NTF3: variants seen among roughly 807,000 people sequenced by gnomAD.
NTF3 encodes the protein neurotrophin-3.
Under a neutral mutation model 26.3 loss-of-function variants are expected in NTF3, and 8 were observed. The observed-to-expected ratio is 0.30, with a 90% CI of 0.18 to 0.55. The LOEUF (loss-of-function observed/expected upper bound fraction) is 0.55. Ranked by LOEUF, NTF3 falls within the 20% of genes least tolerant of loss-of-function variation. The pLI is 0.93. For synonymous variants in NTF3, 154 were observed against 145.5 expected (o/e 1.06, Z -0.42); for missense variants, 276 against 352.9 (o/e 0.78, Z 1.75).
chr12:5,459,025 G>T (rs1226108295), intron 1 of NTF3, among the ~76,000 whole-genome samples: 1 of 152,172 alleles, frequency 6.6e-6, no homozygotes, highest in Non-Finnish European at 1.5e-5. Flanking sequence ...AGAACTGGGG[G>T]CCGGGCAGGT....
chr12:5,481,837 A>ACACATG (rs1186550845), intron 1 of NTF3, among the ~76,000 whole-genome samples: 1 of 146,224 alleles, frequency 6.8e-6, no homozygotes, highest in Non-Finnish European at 1.5e-5. Flanking sequence ...TGCATACTAC[A>ACACATG]CACATGCACA....
intron 1 of NTF3, among the ~76,000 whole-genome samples, chr12:5,451,813 C>T (rs80224541): frequency 0.028 from 4,250 of 152,286 alleles, 75 homozygotes; most frequent in Middle Eastern, 0.041. Context: ...CTTACCTCAG[C>T]CTCCTGTGTA....
chr12:5,431,550 G>C (rs1940086532), upstream of NTF3, among the ~76,000 whole-genome samples: 1 of 152,156 alleles, frequency 6.6e-6, no homozygotes, highest in African/African-American at 2.4e-5. Context: ...CTGTGGGGTG[G>C]GGGGAGGAGT....
rs201630054 is a variant in NTF3 at position 5,494,976 on chromosome 12, C to T, written c.801C>T (p.Ile267=). The T allele has an allele frequency of 8.1e-6, 13 of 1,613,720 alleles. No individual in the cohort carries two copies. Among genetic ancestry groups the T allele is most frequent in the Non-Finnish European group, 1.1e-5 (13 of 1,179,844 alleles). ...GTGTGTGTGCCTTGTCGAGAAAAAT[C>T]GGAAGAACATGAATTGGCATCTCTC... ...TSCVCALSRK[I]GRT Residue 267 remains isoleucine (I), a synonymous_variant, in exon 2 of 2, where the codon ATC becomes ATT. Transcript: ENST00000423158. The surrounding 1 kb of genome is among the most constrained non-coding windows in gnomAD (Gnocchi z 8.3).
chr12:5,481,606 CAGACA>C (rs1940800326), intron 1 of NTF3, among the ~76,000 whole-genome samples: 11 of 113,576 alleles, frequency 9.7e-5, no homozygotes, highest in South Asian at 3.1e-4. Flanking sequence ...CACACACATA[CAGACA>C]CACAGACATA....
chr12:5,451,694 T>G (rs1940374757), intron 1 of NTF3, among the ~76,000 whole-genome samples: 1 of 152,218 alleles, frequency 6.6e-6, no homozygotes, highest in Admixed American at 6.5e-5. Context: ...TTTTTTTACT[T>G]TAATGTAATT....
intron 1 of NTF3, among the ~76,000 whole-genome samples, chr12:5,473,614 G>A (rs1033847766): frequency 3.9e-5 from 6 of 152,154 alleles, no homozygotes; most frequent in Admixed American, 6.5e-5. Flanking sequence ...GGGAATCATC[G>A]TCTAGTAGGT....
In NTF3 at chr12:5,432,333, T is replaced by A; in HGVS notation, c.9T>A (p.Thr3=). ...ACGGCCACACGGATGCCATGGTTAC[T>A]TTTGCCACGGTAAGGGGAGGCGGCG... MV[T]FATILQVNKV... is the part of the protein sequence containing the mutation. The change falls in exon 1 of 2, where the codon ACT becomes ACA. Residue 3 remains threonine (T), a synonymous_variant. Coordinates refer to ENST00000423158, the MANE Select transcript of NTF3 (RefSeq NM_001102654.2). 1 of 1,613,252 alleles carries A rather than the reference T, an allele frequency of 6.2e-7. No homozygotes were observed. Among genetic ancestry groups the A allele is most frequent in the South Asian group, 1.1e-5 (1 of 91,042 alleles).
upstream of NTF3, chr12:5,432,036 G>A (rs1379529666): frequency 9.9e-5 from 23 of 231,762 alleles, no homozygotes; most frequent in Non-Finnish European, 1.9e-4. Flanking sequence ...GGCGCGGAAG[G>A]GGTTAAGGCG....
chr12:5,468,425 T>C (rs1940619114), intron 1 of NTF3, among the ~76,000 whole-genome samples: 1 of 152,156 alleles, frequency 6.6e-6, no homozygotes, highest in Non-Finnish European at 1.5e-5. Flanking sequence ...AGTTATCAAA[T>C]GAGGGCAGGT....
intron 1 of NTF3, among the ~76,000 whole-genome samples, chr12:5,455,973 A>G (rs1210108889): frequency 6.6e-6 from 1 of 152,134 alleles, no homozygotes; most frequent in Non-Finnish European, 1.5e-5. Flanking sequence ...CCCAGCCCAG[A>G]TAACCCTCAC....
chr12:5,472,599 C>G (rs1321539522), intron 1 of NTF3, among the ~76,000 whole-genome samples: 2 of 152,154 alleles, frequency 1.3e-5, no homozygotes, highest in African/African-American at 4.8e-5. Flanking sequence ...CCAGCCTGGG[C>G]CTGCCTTAAG....
chr12:5,434,195 C>A (rs1317678556), intron 1 of NTF3, among the ~76,000 whole-genome samples: 2 of 152,168 alleles, frequency 1.3e-5, no homozygotes, highest in Non-Finnish European at 2.9e-5. Context: ...TAAACTCCAA[C>A]CCCCTCTGCC....
In NTF3 at chr12:5,456,983, T is replaced by C. The variant is rs1940460543; in HGVS notation, c.18+24641T>C. 6.6e-6 allele frequency among the ~76,000 whole-genome samples: 1 copy of C among 152,066 alleles called. No homozygotes were observed. Among genetic ancestry groups the C allele is most frequent in the South Asian group, 2.1e-4 (1 of 4,820 alleles). ...CCCATCTCCACTGCCCGTCCCCAGG[T>C]CCACAGGCTCACAGAGCAGACACGG... On this transcript the variant is annotated intron_variant, in intron 1 of 1. Coordinates refer to ENST00000423158, the MANE Select transcript of NTF3 (RefSeq NM_001102654.2). The surrounding 1 kb of genome is among the most constrained non-coding windows in gnomAD (Gnocchi z 4.4).
chr12:5,465,716 C>G (rs918618840), intron 1 of NTF3, among the ~76,000 whole-genome samples: 1 of 152,240 alleles, frequency 6.6e-6, no homozygotes, highest in Non-Finnish European at 1.5e-5. Context: ...AGGCCCCCAT[C>G]CCCACCACAC....
At chr12:5,439,294 C>G (rs940065631) in intron 1 of NTF3, among the ~76,000 whole-genome samples, 1 of 152,206 alleles carries the variant, frequency 6.6e-6, no homozygotes, top group African/African-American at 2.4e-5. Context: ...AAAATAATCT[C>G]ATTTACAGAT....
chr12:5,443,933 G>T (rs1424104127), intron 1 of NTF3, among the ~76,000 whole-genome samples: 1 of 152,206 alleles, frequency 6.6e-6, no homozygotes. Flanking sequence ...TTAGACTGTG[G>T]TCTATTAGCA....
Position 5,433,998 on chromosome 12 carries a change from A to G in NTF3, c.18+1656A>G, listed in dbSNP as rs1940134988. Among the ~76,000 whole-genome samples the G allele has an allele frequency of 6.6e-6, 1 of 152,216 alleles. No homozygotes were observed. Among genetic ancestry groups the G allele is most frequent in the African/African-American group, 2.4e-5 (1 of 41,446 alleles). On this transcript the variant is annotated intron_variant, in intron 1 of 1. Coordinates refer to ENST00000423158, the MANE Select transcript of NTF3 (RefSeq NM_001102654.2). This position sits in a 1 kb window ranked among gnomAD's most constrained non-coding sequence, Gnocchi z 4.6. ...CTACCCCGCAAAACAGCGAACGAGGAGAACATGGAAGCGCTCTGTCCTAAA... is the reference window on the plus strand; with the variant it reads ...CTACCCCGCAAAACAGCGAACGAGGGGAACATGGAAGCGCTCTGTCCTAAA...
At chr12:5,467,184 A>C (rs1021821621) in intron 1 of NTF3, among the ~76,000 whole-genome samples, 1 of 138,628 alleles carries the variant, frequency 7.2e-6, no homozygotes, top group African/African-American at 2.7e-5. Flanking sequence ...AGCCGAGATC[A>C]TGCCACTGCA....
Sources: allele counts gnomAD v4.1 joint callset (sites outside exome capture counted in the v4.1 genomes callset), GRCh38; gene constraint gnomAD v4.1.1; non-coding constraint Gnocchi (gnomAD v3.1); transcripts MANE v1.5; gene names NCBI Gene and HGNC (gene_info 2026-07-23, HGNC 2026-07-21).